ERBB4: variants seen among roughly 807,000 people sequenced by gnomAD.
ERBB4 encodes erb-b2 receptor tyrosine kinase 4.
ERBB4 carries 42 observed loss-of-function variants against 158.0 expected under a neutral mutation model. That is an observed-to-expected ratio of 0.27 (90% confidence interval 0.21 to 0.34). The LOEUF (loss-of-function observed/expected upper bound fraction) is 0.34, where lower values mean the gene tolerates loss of function less well. Among genes scored for constraint, ERBB4 ranks in the 10% least tolerant of loss-of-function variants. ERBB4 has a pLI of 1.00. For missense variants in ERBB4, 1,333 were observed against 1,624.1 expected (o/e 0.82, Z 3.08); for synonymous variants, 583 against 558.7 (o/e 1.04, Z -0.61).
chr2:211,522,536 C>T (rs1214403806), intron 20 of ERBB4, among the ~76,000 whole-genome samples: 1 of 152,112 alleles, frequency 6.6e-6, no homozygotes, highest in East Asian at 1.9e-4. Flanking sequence ...ATTATATAAA[C>T]TTAGTTGATG....
At chr2:211,733,981 G>A (rs938072243) in intron 5 of ERBB4, among the ~76,000 whole-genome samples, 1 of 152,098 alleles carries the variant, frequency 6.6e-6, no homozygotes, top group Non-Finnish European at 1.5e-5. Context: ...GACTGAGGTT[G>A]CAGCGAGCTG....
chr2:212,285,091 T>C (rs2085910798), intron 1 of ERBB4, among the ~76,000 whole-genome samples: 1 of 152,128 alleles, frequency 6.6e-6, no homozygotes, highest in African/African-American at 2.4e-5. Context: ...GACCAGGTGG[T>C]CTGATATTTA....
chr2:211,716,490 C>A (rs1575039426), intron 7 of ERBB4, among the ~76,000 whole-genome samples: 1 of 148,848 alleles, frequency 6.7e-6, no homozygotes, highest in Non-Finnish European at 1.5e-5. Flanking sequence ...TCCCGGCTAA[C>A]ACGGTGAAAC....
intron 3 of ERBB4, among the ~76,000 whole-genome samples, chr2:211,878,271 C>G (rs1163870746): frequency 1.3e-5 from 2 of 152,106 alleles, no homozygotes; most frequent in Non-Finnish European, 2.9e-5. Context: ...TCATTATAAC[C>G]ATTTTCCATT....
chr2:211,655,586 C>T lies in ERBB4; in HGVS notation c.1946+2168G>A, dbSNP rs1280282741. Among the ~76,000 whole-genome samples, 3 of 152,132 alleles carry T rather than the reference C, an allele frequency of 2.0e-5. No homozygotes were observed. The South Asian group carries it at 6.2e-4, about 32-fold the overall frequency. ...ACACTTAACCACTGTACTATATTACCCCTAACTAGTCCACTGGAATAACTA... is the reference window on the plus strand; with the variant it reads ...ACACTTAACCACTGTACTATATTACTCCTAACTAGTCCACTGGAATAACTA... On this transcript the variant is annotated intron_variant, in intron 16 of 27. Transcript: ENST00000342788.
chr2:211,751,590 T>C (rs1014714746), intron 4 of ERBB4, among the ~76,000 whole-genome samples: 1 of 152,220 alleles, frequency 6.6e-6, no homozygotes, highest in African/African-American at 2.4e-5. Context: ...TTATTAAACA[T>C]TGTCAATTGT....
At chr2:212,107,598 T>C (rs1000091772) in intron 2 of ERBB4, among the ~76,000 whole-genome samples, 1 of 152,086 alleles carries the variant, frequency 6.6e-6, no homozygotes, top group Non-Finnish European at 1.5e-5. Context: ...TGGGAAGGCA[T>C]GATTGGTTTT....
intron 3 of ERBB4, among the ~76,000 whole-genome samples, chr2:211,799,499 C>G (rs866586422): frequency 6.6e-6 from 1 of 152,084 alleles, no homozygotes; most frequent in African/African-American, 2.4e-5. Flanking sequence ...ACTCAAGATG[C>G]CAACATTCAA....
chr2:211,628,991 T>C (rs2069982545), intron 17 of ERBB4, among the ~76,000 whole-genome samples: 1 of 152,258 alleles, frequency 6.6e-6, no homozygotes, highest in African/African-American at 2.4e-5. Flanking sequence ...TCTGTTCATA[T>C]ACTTTGCACA....
At chr2:211,945,406 G>C (rs934240923) in intron 3 of ERBB4, among the ~76,000 whole-genome samples, 1 of 151,994 alleles carries the variant, frequency 6.6e-6, no homozygotes, top group Admixed American at 6.6e-5. Flanking sequence ...TCTGAAAAAT[G>C]TTCATATTAG....
chr2:212,472,741 A>G (rs1336236084), intron 1 of ERBB4, among the ~76,000 whole-genome samples: 1 of 151,942 alleles, frequency 6.6e-6, no homozygotes, highest in African/African-American at 2.4e-5. Flanking sequence ...TGTTATAACA[A>G]TGTCAAACTT....
intron 18 of ERBB4, among the ~76,000 whole-genome samples, chr2:211,620,291 AAAATG>A (rs1460800917): frequency 6.6e-6 from 1 of 152,200 alleles, no homozygotes; most frequent in Non-Finnish European, 1.5e-5. Context: ...TTTTAACATT[AAAATG>A]AAAGAATGAA....
intron 1 of ERBB4, among the ~76,000 whole-genome samples, chr2:212,170,809 A>G (rs1043783725): frequency 1.3e-4 from 20 of 152,296 alleles, no homozygotes; most frequent in African/African-American, 4.6e-4. Flanking sequence ...CAGAGGATGT[A>G]TGGAAACACC....
intron 2 of ERBB4, among the ~76,000 whole-genome samples, chr2:212,113,290 G>C (rs1439709191): frequency 1.3e-5 from 2 of 152,026 alleles, no homozygotes; most frequent in Non-Finnish European, 2.9e-5. Context: ...GAGTAACTGG[G>C]TATGGCCGGG....
chr2:211,847,543 T>C (rs1489529014), intron 3 of ERBB4, among the ~76,000 whole-genome samples: 1 of 152,144 alleles, frequency 6.6e-6, no homozygotes, highest in Non-Finnish European at 1.5e-5. Context: ...AGCAAGCTTG[T>C]CCAACCTGCA....
intron 16 of ERBB4, among the ~76,000 whole-genome samples, chr2:211,633,049 T>C (rs1265344851): frequency 6.6e-6 from 1 of 152,010 alleles, no homozygotes; most frequent in Admixed American, 6.6e-5. Context: ...ACCAGTAAAA[T>C]CAAGAGGAGG....
Position 211,938,381 on chromosome 2 carries a change from G to C in ERBB4, c.421+9049C>G, listed in dbSNP as rs374353087. ...CTGTCTTGTGATTCTCCACGTTATT[G>C]TGCTTGTAAGTCCTTGCCTGCTGGA... On this transcript the variant is annotated intron_variant, in intron 3 of 27. Transcript: ENST00000342788. 8.7e-4 allele frequency among the ~76,000 whole-genome samples: 133 copies of C among 152,226 alleles called. 3 individuals are homozygous for C. The South Asian group carries it at 0.024, about 28-fold the overall frequency.
At chr2:212,202,014 C>G (rs1390485918) in intron 1 of ERBB4, among the ~76,000 whole-genome samples, 2 of 152,140 alleles carry the variant, frequency 1.3e-5, no homozygotes, top group Non-Finnish European at 2.9e-5. Context: ...CTTATTCATT[C>G]TGTATACTGA....
At chr2:211,458,736 G>A (rs778962361) in intron 20 of ERBB4, among the ~76,000 whole-genome samples, 13 of 152,146 alleles carry the variant, frequency 8.5e-5, no homozygotes, top group Non-Finnish European at 1.8e-4. Context: ...TTTGCCTCAA[G>A]CTTTGCTTTC....
Sources: gnomAD v4.1 joint callset for allele counts (sites outside exome capture counted in the v4.1 genomes callset) on GRCh38, gnomAD v4.1.1 for gene constraint, MANE v1.5 for transcripts, NCBI Gene and HGNC (gene_info 2026-07-23, HGNC 2026-07-21) for gene names.